The following CEP128 variants were observed in gnomAD, a reference collection of about 807,000 sequenced individuals.
The protein encoded by CEP128 is centrosomal protein 128kDa.
A neutral mutation model predicts 156.7 loss-of-function variants in CEP128; 132 were observed. That is an observed-to-expected ratio of 0.84 (90% CI 0.73 to 0.97). The LOEUF is 0.97. Ranked by LOEUF, CEP128 falls within the 50% of genes least tolerant of loss-of-function variation. The pLI, the probability that CEP128 is intolerant of heterozygous loss-of-function variation, is 0.00. For synonymous variants in CEP128, 469 were observed against 448.9 expected (o/e 1.04, Z -0.57); for missense variants, 1,252 against 1,281.9 (o/e 0.98, Z 0.36).
rs377462098 is a variant in CEP128, at chr14:80,832,183, G to A, written c.1058-889C>T. On this transcript the variant is annotated intron_variant, in intron 12 of 24. Transcript: ENST00000555265. ...ATGATTGTGAGGCCTCTCCAGCCACGTGGAACTGTGAGTCCATTAAACCTC... is the reference window on the plus strand; with the variant it reads ...ATGATTGTGAGGCCTCTCCAGCCACATGGAACTGTGAGTCCATTAAACCTC... 2.6e-5 allele frequency among the ~76,000 whole-genome samples: 4 copies of A among 152,232 alleles called. No homozygotes were observed. In the South Asian group the frequency reaches 6.2e-4, roughly 24 times the overall value.
intron 19 of CEP128, among the ~76,000 whole-genome samples, chr14:80,676,641 G>A (rs972329946): frequency 2.6e-5 from 4 of 152,020 alleles, no homozygotes; most frequent in Non-Finnish European, 2.9e-5. Context: ...TTAAATGCTA[G>A]TATCCTTCTA....
intron 8 of CEP128, among the ~76,000 whole-genome samples, chr14:80,873,962 C>A (rs879730896): frequency 7.2e-5 from 11 of 152,114 alleles, no homozygotes; most frequent in Admixed American, 6.5e-4. Context: ...CCTTGCCTTT[C>A]GTCATGATTG....
At chr14:80,477,253 C>T (rs962708791) in exon 15 of CEP128, 1 of 152,176 alleles carries the variant, frequency 6.6e-6, no homozygotes, top group Non-Finnish European at 1.5e-5. Flanking sequence ...AGTATTACTG[C>T]CTTTCCTACC....
At chr14:80,904,458 A>G (rs1883766906) in intron 6 of CEP128, among the ~76,000 whole-genome samples, 1 of 152,126 alleles carries the variant, frequency 6.6e-6, no homozygotes, top group East Asian at 1.9e-4. Flanking sequence ...TGTCAATAAT[A>G]ATGTATTATA....
chr14:80,691,333 G>T (rs114639929), intron 19 of CEP128, among the ~76,000 whole-genome samples: 1 of 152,138 alleles, frequency 6.6e-6, no homozygotes, highest in African/African-American at 2.4e-5. Context: ...TGTGGTGATG[G>T]GGGGATGGTA....
chr14:80,867,360 T>C (rs1887816170), intron 8 of CEP128, among the ~76,000 whole-genome samples: 1 of 152,204 alleles, frequency 6.6e-6, no homozygotes, highest in South Asian at 2.1e-4. Context: ...ATTTAAATCT[T>C]ATGAATTGTT....
chr14:80,876,669 TA>T (rs1353121258), intron 8 of CEP128, among the ~76,000 whole-genome samples: 2 of 142,428 alleles, frequency 1.4e-5, no homozygotes, highest in Non-Finnish European at 3.0e-5. Flanking sequence ...CCCAAATGAT[TA>T]AATTTCTTTA....
chr14:80,679,918 T>C (rs1172487535), intron 19 of CEP128, among the ~76,000 whole-genome samples: 1 of 152,066 alleles, frequency 6.6e-6, no homozygotes, highest in African/African-American at 2.4e-5. Flanking sequence ...TTTCTCTTTA[T>C]TTCTCAGCTA....
intron 2 of CEP128, among the ~76,000 whole-genome samples, chr14:80,936,223 A>G (rs759953151): frequency 3.9e-5 from 6 of 152,212 alleles, no homozygotes; most frequent in Non-Finnish European, 7.3e-5. Flanking sequence ...AGTAGATTCT[A>G]AATGTTTATC....
At chr14:80,827,347 G>T (rs556350642) in intron 13 of CEP128, among the ~76,000 whole-genome samples, 1 of 152,288 alleles carries the variant, frequency 6.6e-6, no homozygotes, top group Admixed American at 6.5e-5. Flanking sequence ...ATAAAACTTG[G>T]TTCTTAACCC....
At chr14:80,709,450 T>C (rs1254463442) in intron 19 of CEP128, among the ~76,000 whole-genome samples, 1 of 152,222 alleles carries the variant, frequency 6.6e-6, no homozygotes, top group Non-Finnish European at 1.5e-5. Context: ...TTTTAAATTA[T>C]GTTTTAATAT....
intron 19 of CEP128, among the ~76,000 whole-genome samples, chr14:80,677,966 A>T (rs1252584189): frequency 6.6e-6 from 1 of 151,562 alleles, no homozygotes; most frequent in Non-Finnish European, 1.5e-5. Context: ...TGCTTTTCAG[A>T]CTTTCTTGGC....
intron 19 of CEP128, among the ~76,000 whole-genome samples, chr14:80,723,399 G>A (rs1479619331): frequency 2.6e-5 from 4 of 152,174 alleles, no homozygotes; most frequent in East Asian, 3.8e-4. Flanking sequence ...TTCTAGAATC[G>A]TATTCAGGCT....
rs1044802987 is a variant in CEP128, at chr14:80,597,916, C to T, written c.2807-17493G>A. 1.5e-4 allele frequency among the ~76,000 whole-genome samples: 9 copies of T among 59,072 alleles called. No individual in the cohort carries two copies. The Admixed American group carries it at 1.8e-3, about 12-fold the overall frequency. 38.8% of individuals were successfully genotyped at this position (59,072 alleles called of 152,430 possible). On this transcript the variant is annotated intron_variant, in intron 19 of 24. Transcript: ENST00000555265. ...TGACCATTTATGATAAAAATAAACT[C>T]AGAAAAAGGAACTAGAAGGGAATTC...
chr14:80,646,313 C>A (rs558646016), intron 19 of CEP128, among the ~76,000 whole-genome samples: 2 of 151,444 alleles, frequency 1.3e-5, no homozygotes, highest in South Asian at 2.1e-4. Context: ...CTGTACCTTT[C>A]ACTTAATTTT....
At chr14:80,576,379 A>T (rs1891355978) in intron 20 of CEP128, among the ~76,000 whole-genome samples, 1 of 152,220 alleles carries the variant, frequency 6.6e-6, no homozygotes, top group African/African-American at 2.4e-5. Flanking sequence ...CTTTAAGAGG[A>T]GTAGCACACA....
intron 9 of CEP128, among the ~76,000 whole-genome samples, chr14:80,861,284 T>C (rs1887500440): frequency 6.6e-6 from 1 of 151,992 alleles, no homozygotes; most frequent in Non-Finnish European, 1.5e-5. Flanking sequence ...TAGGATATGT[T>C]CAAGTCCCAA....
At chr14:80,955,589 C>A in intron 2 of CEP128, 2 of 1,513,314 alleles carry the variant, frequency 1.3e-6, no homozygotes, top group Non-Finnish European at 1.8e-6. Context: ...CTCCCGCTCC[C>A]GGGTCTCCTT....
At chr14:80,795,376 T>C (rs1301200743) in intron 13 of CEP128, among the ~76,000 whole-genome samples, 4 of 152,224 alleles carry the variant, frequency 2.6e-5, no homozygotes, top group African/African-American at 9.6e-5. Context: ...ACCACTCCCT[T>C]GAGATTTCTT....
Sources: allele counts gnomAD v4.1 joint callset (sites outside exome capture counted in the v4.1 genomes callset), GRCh38; gene constraint gnomAD v4.1.1; transcripts MANE v1.5; gene names NCBI Gene and HGNC (gene_info 2026-07-23, HGNC 2026-07-21).